MACROD1: variants seen among roughly 807,000 people sequenced by gnomAD.
MACROD1 encodes the protein mono-ADP ribosylhydrolase 1.
A neutral mutation model predicts 41.4 loss-of-function variants in MACROD1; 31 were observed. The ratio of observed to expected loss-of-function variants is 0.75; its 90% CI spans 0.56 to 1.01. MACROD1 has a LOEUF of 1.01. Among genes scored for constraint, MACROD1 ranks in the 50% least tolerant of loss-of-function variants. The pLI is 0.00. For synonymous variants in MACROD1, 252 were observed against 203.4 expected, an observed-to-expected ratio of 1.24 and a Z score of -2.03; for missense variants, 473 against 460.0, an observed-to-expected ratio of 1.03 and a Z score of -0.26.
chr11:64,040,220 C>T (rs953826581), intron 3 of MACROD1, among the ~76,000 whole-genome samples: 4 of 148,106 alleles, frequency 2.7e-5, no homozygotes, highest in Admixed American at 6.8e-5. Context: ...GCTCTGAAGG[C>T]GCAAAGTGGT....
At chr11:63,998,763 C>T (rs113529715) in intron 10 of MACROD1, 75 bp downstream of exon 10, 6 of 1,434,046 alleles carry the variant, frequency 4.2e-6, no homozygotes, top group Middle Eastern at 2.6e-4. Flanking sequence ...TCCCGCCCTG[C>T]TTGGGGGTGA....
intron 3 of MACROD1, among the ~76,000 whole-genome samples, chr11:64,047,091 C>G (rs1159385487): frequency 6.6e-6 from 1 of 152,076 alleles, no homozygotes; most frequent in East Asian, 1.9e-4. Flanking sequence ...CGTGCTGTTC[C>G]CTGTGTCTGG....
At chr11:64,077,553 G>A (rs1424101432) in intron 3 of MACROD1, among the ~76,000 whole-genome samples, 3 of 152,158 alleles carry the variant, frequency 2.0e-5, no homozygotes, top group Non-Finnish European at 4.4e-5. Context: ...GCGGGGCAGG[G>A]GGGGTCCCTC....
At chr11:64,098,440 C>T (rs185623766) in intron 3 of MACROD1, among the ~76,000 whole-genome samples, 2 of 152,332 alleles carry the variant, frequency 1.3e-5, no homozygotes, top group East Asian at 1.9e-4. Flanking sequence ...ATTACTGGAG[C>T]GGTCCTAGCC....
At chr11:64,151,955 C>T (rs754516580) in intron 2 of MACROD1, among the ~76,000 whole-genome samples, 1 of 152,042 alleles carries the variant, frequency 6.6e-6, no homozygotes, top group African/African-American at 2.4e-5. Flanking sequence ...ATGGTGAAAC[C>T]CCATCTCTAC....
intron 3 of MACROD1, among the ~76,000 whole-genome samples, chr11:64,119,475 T>C (rs550643021): frequency 8.5e-5 from 13 of 152,252 alleles, no homozygotes; most frequent in East Asian, 1.9e-4. Flanking sequence ...GCATTTACCA[T>C]GTGCTGAATG....
At chr11:64,114,169 T>C (rs1044414711) in intron 3 of MACROD1, among the ~76,000 whole-genome samples, 5 of 150,296 alleles carry the variant, frequency 3.3e-5, no homozygotes, top group Non-Finnish European at 5.9e-5. Context: ...GATGGATGCA[T>C]GGATGCCTGG....
chr11:64,046,645 G>A (rs1054570874), intron 3 of MACROD1, among the ~76,000 whole-genome samples: 4 of 152,184 alleles, frequency 2.6e-5, no homozygotes, highest in Non-Finnish European at 4.4e-5. Context: ...GGCTACAGGC[G>A]TGTGCCTCTA....
At chr11:64,074,576 C>T (rs1478749777) in intron 3 of MACROD1, among the ~76,000 whole-genome samples, 8 of 152,234 alleles carry the variant, frequency 5.3e-5, no homozygotes, top group African/African-American at 1.9e-4. Flanking sequence ...ACCTCCATGT[C>T]CCCGCAGGCC....
At chr11:64,020,881 G>A (rs912750798) in intron 3 of MACROD1, among the ~76,000 whole-genome samples, 3 of 152,066 alleles carry the variant, frequency 2.0e-5, no homozygotes, top group African/African-American at 7.2e-5. Context: ...ACCATGCCTG[G>A]CTAATTTTTT....
At chr11:64,141,822 C>T (rs927312453) in intron 3 of MACROD1, among the ~76,000 whole-genome samples, 3 of 152,170 alleles carry the variant, frequency 2.0e-5, no homozygotes, top group African/African-American at 7.2e-5. Context: ...CAGCAGACTC[C>T]TAGCTGGGGT....
chr11:64,116,969 G>A (rs2134619368), intron 3 of MACROD1: 2 of 1,611,960 alleles, frequency 1.2e-6, no homozygotes, highest in Non-Finnish European at 8.5e-7. Context: ...GTAACCTGCT[G>A]GCCAACCAGC....
chr11:64,111,447 G>A lies in MACROD1; in HGVS notation c.517+39792C>T, dbSNP rs143871787. Among the ~76,000 whole-genome samples the A allele has an allele frequency of 2.1e-3, 315 of 152,342 alleles. 5 individuals are homozygous for A. In the Middle Eastern group the frequency reaches 0.037, roughly 18 times the overall value. The stretch of plus-strand genomic sequence containing the variant: ...TAGCATTGCCCTGTGCTACCTACCT[G>A]CTCATAAGTGGCTTGAGGCAGGACC... On this transcript the variant is annotated intron_variant, in intron 3 of 10. Transcript: ENST00000255681.
At chr11:64,118,549 G>C in intron 3 of MACROD1, 2 of 432,466 alleles carry the variant, frequency 4.6e-6, no homozygotes, top group South Asian at 1.4e-4. Context: ...ATGCCAGTTG[G>C]GGAGGGAAGG....
intron 3 of MACROD1, among the ~76,000 whole-genome samples, chr11:64,091,051 G>T (rs1047276790): frequency 6.7e-6 from 1 of 150,312 alleles, no homozygotes; most frequent in African/African-American, 2.5e-5. Context: ...GACAGAGGAG[G>T]AGGAGGGAAG....
At chr11:64,010,224 AGAGTGTTAGCTGGGG>A (rs1323836009) in intron 4 of MACROD1, among the ~76,000 whole-genome samples, 351 of 111,716 alleles carry the variant, frequency 3.1e-3, no homozygotes, top group Non-Finnish European at 4.2e-3. Context: ...GGTGTTGCCC[AGAGTGTTAGCTGGGG>A]TGTTGGTTGG....
intron 1 of MACROD1, among the ~76,000 whole-genome samples, chr11:64,153,894 G>C (rs1476577340): frequency 6.6e-6 from 1 of 152,004 alleles, no homozygotes; most frequent in Non-Finnish European, 1.5e-5. Flanking sequence ...AGGCTGTCCT[G>C]CCTGCCCTCA....
intron 4 of MACROD1, among the ~76,000 whole-genome samples, chr11:64,013,494 C>T (rs1046522926): frequency 6.6e-6 from 1 of 152,158 alleles, no homozygotes; most frequent in Non-Finnish European, 1.5e-5. Context: ...CCAGGGTGGC[C>T]GGAGCAAAGT....
intron 3 of MACROD1, among the ~76,000 whole-genome samples, chr11:64,050,060 GC>G (rs1943663411): frequency 6.6e-6 from 1 of 152,120 alleles, no homozygotes; most frequent in Non-Finnish European, 1.5e-5. Context: ...GAGGGTGATG[GC>G]CTACTCTTCC....
Sources: gnomAD v4.1 joint callset for allele counts (sites outside exome capture counted in the v4.1 genomes callset) on GRCh38, gnomAD v4.1.1 for gene constraint, MANE v1.5 for transcripts, NCBI Gene and HGNC (gene_info 2026-07-23, HGNC 2026-07-21) for gene names.